The following CNTN5 variants were observed in gnomAD, a reference collection of about 807,000 sequenced individuals.
CNTN5 encodes contactin-5.
CNTN5 carries 77 observed loss-of-function variants against 129.1 expected under a neutral mutation model. The observed-to-expected ratio is 0.60, with a 90% CI of 0.50 to 0.72. The LOEUF (loss-of-function observed/expected upper bound fraction) is 0.72. Ranked by LOEUF, CNTN5 falls within the 30% of genes least tolerant of loss-of-function variation. The pLI, the probability that CNTN5 is intolerant of heterozygous loss-of-function variation, is 0.00. For synonymous variants in CNTN5, 509 were observed against 465.6 expected, an observed-to-expected ratio of 1.09 and a Z score of -1.20; for missense variants, 1,478 against 1,328.8, an observed-to-expected ratio of 1.11 and a Z score of -1.75.
At chr11:99,021,361 C>T (rs1017735088) in intron 1 of CNTN5, 91 bp downstream of exon 1, 1 of 152,222 alleles carries the variant, frequency 6.6e-6, no homozygotes, top group Non-Finnish European at 1.5e-5. Flanking sequence ...ACACTCTGTT[C>T]TGCAAAGCCA....
intron 1 of CNTN5, among the ~76,000 whole-genome samples, chr11:99,090,923 G>A (rs1467678235): frequency 3.3e-5 from 5 of 150,318 alleles, no homozygotes. Flanking sequence ...TCAGGAGGCT[G>A]AGGCAGGAGA....
At chr11:99,861,022 C>G (rs1166917950) in intron 6 of CNTN5, among the ~76,000 whole-genome samples, 7 of 131,078 alleles carry the variant, frequency 5.3e-5, no homozygotes, top group Non-Finnish European at 3.1e-5. Flanking sequence ...GTGGCGCAAT[C>G]TCATCTCACT....
At chr11:99,592,949 A>C (rs1950022865) in intron 3 of CNTN5, among the ~76,000 whole-genome samples, 1 of 152,182 alleles carries the variant, frequency 6.6e-6, no homozygotes. Context: ...ACATTTTTTA[A>C]TGTTTTGCAA....
intron 4 of CNTN5, among the ~76,000 whole-genome samples, chr11:99,841,888 ATATATATATT>A: frequency 1.1e-5 from 1 of 90,668 alleles, no homozygotes; most frequent in Non-Finnish European, 2.2e-5. Flanking sequence ...ACATATACAT[ATATATATATT>A]TTTTTTTTAT....
intron 1 of CNTN5, among the ~76,000 whole-genome samples, chr11:99,297,816 C>T (rs1035354065): frequency 6.6e-6 from 1 of 152,118 alleles, no homozygotes; most frequent in Non-Finnish European, 1.5e-5. Context: ...TTTCAAAAGA[C>T]AAATTTTATA....
chr11:99,284,148 A>T (rs1863820371), intron 1 of CNTN5, among the ~76,000 whole-genome samples: 1 of 152,124 alleles, frequency 6.6e-6, no homozygotes, highest in Non-Finnish European at 1.5e-5. Context: ...GGAGTGCTTA[A>T]CACCAGGCTA....
At chr11:99,539,155 AATG>A (rs1444729375) in intron 2 of CNTN5, among the ~76,000 whole-genome samples, 2 of 152,140 alleles carry the variant, frequency 1.3e-5, no homozygotes, top group African/African-American at 2.4e-5. Flanking sequence ...TAAATTATGA[AATG>A]ATAAGTTTAA....
chr11:99,228,202 A>G (rs555463362), intron 1 of CNTN5, among the ~76,000 whole-genome samples: 1 of 152,116 alleles, frequency 6.6e-6, no homozygotes, highest in African/African-American at 2.4e-5. Flanking sequence ...ATATTATTTT[A>G]TATAGATGTA....
At chr11:99,057,521 A>C (rs1864669983) in intron 1 of CNTN5, among the ~76,000 whole-genome samples, 1 of 152,108 alleles carries the variant, frequency 6.6e-6, no homozygotes, top group Non-Finnish European at 1.5e-5. Context: ...AAACCTATCC[A>C]GAGGATGGAT....
At chr11:100,134,052 A>T (rs1946454997) in intron 13 of CNTN5, among the ~76,000 whole-genome samples, 4 of 152,164 alleles carry the variant, frequency 2.6e-5, no homozygotes, top group Admixed American at 2.6e-4. Flanking sequence ...GAAAAATGAG[A>T]TAAATCTGCT....
chr11:100,228,234 C>T (rs1429410395), intron 16 of CNTN5, among the ~76,000 whole-genome samples: 1 of 152,162 alleles, frequency 6.6e-6, no homozygotes, highest in Admixed American at 6.5e-5. Context: ...AATAATCTCT[C>T]GAGTCCTTCT....
At chr11:99,495,513 T>C (rs940341396) in intron 2 of CNTN5, among the ~76,000 whole-genome samples, 1 of 152,190 alleles carries the variant, frequency 6.6e-6, no homozygotes, top group Non-Finnish European at 1.5e-5. Flanking sequence ...GAAAGAGAAA[T>C]AGCAGTTTTC....
chr11:99,681,338 A>G (rs544861446), intron 3 of CNTN5, among the ~76,000 whole-genome samples: 1 of 143,744 alleles, frequency 7.0e-6, no homozygotes, highest in African/African-American at 3.0e-5. Flanking sequence ...ACTACTAAGA[A>G]TTTTTTTGTG....
intron 3 of CNTN5, among the ~76,000 whole-genome samples, chr11:99,702,260 C>T (rs1340918671): frequency 6.6e-6 from 1 of 150,758 alleles, no homozygotes; most frequent in Non-Finnish European, 1.5e-5. Flanking sequence ...GTACATATTT[C>T]ATATGGGTAG....
intron 2 of CNTN5, among the ~76,000 whole-genome samples, chr11:99,410,328 C>A (rs1010465547): frequency 6.6e-5 from 10 of 152,006 alleles, no homozygotes; most frequent in African/African-American, 2.2e-4. Context: ...AGAACTGACA[C>A]GGTTAAGGAA....
intron 1 of CNTN5, among the ~76,000 whole-genome samples, chr11:99,050,879 A>G (rs995870468): frequency 1.3e-5 from 2 of 151,898 alleles, no homozygotes; most frequent in East Asian, 1.9e-4. Flanking sequence ...TTTTAAATTC[A>G]GCTCAGTCTA....
chr11:99,923,757 GTCTATCTA>G (rs11271049), intron 7 of CNTN5, among the ~76,000 whole-genome samples: 1,446 of 140,680 alleles, frequency 0.01, 21 homozygotes, highest in African/African-American at 0.031. Flanking sequence ...CTATCTGTCT[GTCTATCTA>G]TCTATCTATC....
intron 1 of CNTN5, among the ~76,000 whole-genome samples, chr11:99,042,178 A>G (rs1864010104): frequency 6.6e-6 from 1 of 151,516 alleles, no homozygotes; most frequent in Non-Finnish European, 1.5e-5. Flanking sequence ...TCCCTTCTTT[A>G]TTTTTTTAGG....
chr11:99,257,648 A>G (rs908808998), intron 1 of CNTN5, among the ~76,000 whole-genome samples: 10 of 152,092 alleles, frequency 6.6e-5, no homozygotes, highest in Non-Finnish European at 1.5e-4. Context: ...TCAGGAAAGT[A>G]GTTGAATAAA....
Sources: gnomAD v4.1 joint callset for allele counts (sites outside exome capture counted in the v4.1 genomes callset) on GRCh38, gnomAD v4.1.1 for gene constraint, MANE v1.5 for transcripts, NCBI Gene and HGNC (gene_info 2026-07-23, HGNC 2026-07-21) for gene names.